XRCC2: variants seen among roughly 807,000 people sequenced by gnomAD.
XRCC2 encodes X-ray repair cross complementing 2.
Under a neutral mutation model 27.3 loss-of-function variants are expected in XRCC2, and 24 were observed. That is an observed-to-expected ratio of 0.88 (90% CI 0.64 to 1.24). The LOEUF is 1.24. Among genes scored for constraint, XRCC2 ranks in the 50% most tolerant of loss-of-function variants. XRCC2 has a pLI of 0.00. For missense variants in XRCC2, 321 were observed against 325.8 expected, an observed-to-expected ratio of 0.99 and a Z score of 0.11; for synonymous variants, 106 against 115.4, an observed-to-expected ratio of 0.92 and a Z score of 0.52.
chr7:152,656,335 C>T (rs938289147), intron 2 of XRCC2, among the ~76,000 whole-genome samples: 1 of 152,080 alleles, frequency 6.6e-6, no homozygotes, highest in Non-Finnish European at 1.5e-5. Context: ...ACCAGCCTGG[C>T]CAATATGGTG....
At chr7:152,653,233 G>A (rs561474604) in intron 2 of XRCC2, among the ~76,000 whole-genome samples, 9 of 152,194 alleles carry the variant, frequency 5.9e-5, no homozygotes, top group East Asian at 3.9e-4. Flanking sequence ...TGCCATCCAC[G>A]TAGGATGGGA....
chr7:152,675,971 T>C (rs1465078565), intron 1 of XRCC2, 70 bp downstream of exon 1: 1 of 1,601,342 alleles, frequency 6.2e-7, no homozygotes, highest in Non-Finnish European at 8.5e-7. Flanking sequence ...TCCCCCGGGT[T>C]CCCTCGGCTC....
intron 2 of XRCC2, among the ~76,000 whole-genome samples, chr7:152,652,325 T>C (rs2098028894): frequency 6.6e-6 from 1 of 151,778 alleles, no homozygotes; most frequent in Non-Finnish European, 1.5e-5. Flanking sequence ...TGAGGAGCTA[T>C]GCTGAACCCG....
At chr7:152,651,947 C>G (rs2098028691) in intron 2 of XRCC2, among the ~76,000 whole-genome samples, 1 of 151,536 alleles carries the variant, frequency 6.6e-6, no homozygotes, top group Non-Finnish European at 1.5e-5. Context: ...GGGAGGATCA[C>G]TTGAGCCCAG....
rs768232997 is a variant in XRCC2 at position 152,676,080 on chromosome 7, C to T, written c.-1G>A. The stretch of plus-strand genomic sequence containing the variant: ...CAGCCCTATGGAAGGCACTACACAT[C>T]GCCCCGAAGGCTCGGCGCAGGAGAG... On this transcript the variant is annotated 5_prime_UTR_variant, in exon 1 of 3. Transcript: ENST00000359321. The T allele has an allele frequency of 3.7e-6, 6 of 1,613,836 alleles. No individual in the cohort carries two copies. Among genetic ancestry groups the T allele is most frequent in the Non-Finnish European group, 4.2e-6 (5 of 1,179,816 alleles).
In XRCC2 at chr7:152,660,721, T is replaced by A. The variant is rs768885888; in HGVS notation, c.101A>T (p.Asp34Val). 3 of 1,613,384 alleles carry A rather than the reference T, an allele frequency of 1.9e-6. No individual in the cohort carries two copies. The highest frequency in any genetic ancestry group is 2.5e-6 in the Non-Finnish European group (3 of 1,179,806). The stretch of plus-strand genomic sequence containing the variant: ...TTTACCATGCACAGGTGAATCTTCA[T>A]CAGCAAACAGATTTGGTTCTATTTC... Reference protein sequence around the residue: ...LKEIEPNLFADEDSPVHGDIL... With the variant: ...LKEIEPNLFAVEDSPVHGDIL... Residue 34 changes from aspartate (D) to valine (V), a missense_variant, in exon 2 of 3, where the codon GAT (aspartate) becomes GTT (valine). Transcript: ENST00000359321.
intron 2 of XRCC2, among the ~76,000 whole-genome samples, chr7:152,655,563 G>T (rs766487844): frequency 3.2e-4 from 49 of 151,976 alleles, no homozygotes; most frequent in Non-Finnish European, 6.0e-4. Flanking sequence ...ACAAAAATTA[G>T]TCTGGTGTGG....
Position 152,648,242 on chromosome 7 carries a change from A to G in XRCC2, c.*400T>C, listed in dbSNP as rs575074796. 1 of 155,520 alleles carries G rather than the reference A, an allele frequency of 6.4e-6. No homozygotes were observed. The highest frequency in any genetic ancestry group is 1.8e-4 in the East Asian group (1 of 5,480). 9.6% of individuals were successfully genotyped at this position (155,520 alleles called of 1,614,324 possible). On this transcript the variant is annotated 3_prime_UTR_variant, in exon 3 of 3. Coordinates refer to ENST00000359321, the MANE Select transcript of XRCC2 (RefSeq NM_005431.2). ...GCCAACATGGTGAAACCCCGTCTCTATTAAAAATACAAAAATTAGCCAGGC... is the reference window on the plus strand; with the variant it reads ...GCCAACATGGTGAAACCCCGTCTCTGTTAAAAATACAAAAATTAGCCAGGC...
intron 1 of XRCC2, among the ~76,000 whole-genome samples, chr7:152,669,498 G>A (rs1437188509): frequency 6.6e-6 from 1 of 152,012 alleles, no homozygotes; most frequent in East Asian, 2.0e-4. Flanking sequence ...AAGCCCCTGG[G>A]TTCAAGCGAT....
intron 1 of XRCC2, among the ~76,000 whole-genome samples, chr7:152,671,057 A>G (rs1436074059): frequency 1.3e-5 from 2 of 152,150 alleles, no homozygotes; most frequent in Non-Finnish European, 2.9e-5. Context: ...TCTACTAAAA[A>G]TACAACAATT....
chr7:152,660,911 G>A, intron 1 of XRCC2, 129 bp from the exon 2 acceptor site: 1 of 753,400 alleles, frequency 1.3e-6, no homozygotes, highest in Non-Finnish European at 2.1e-6. Flanking sequence ...GCTCACACCT[G>A]TAATCCCAAT....
At chr7:152,673,472 A>C (rs573773100) in intron 1 of XRCC2, among the ~76,000 whole-genome samples, 170 of 152,282 alleles carry the variant, frequency 1.1e-3, no homozygotes, top group Non-Finnish European at 2.0e-3. Context: ...GCCTAAAAAA[A>C]TATTCTTACA....
intron 2 of XRCC2, among the ~76,000 whole-genome samples, chr7:152,652,716 A>G (rs1055251889): frequency 3.9e-5 from 6 of 152,172 alleles, no homozygotes; most frequent in Admixed American, 3.3e-4. Context: ...GTGCTTCATC[A>G]GTTACCTTCT....
chr7:152,663,408 C>A (rs563575212), intron 1 of XRCC2, among the ~76,000 whole-genome samples: 2 of 138,400 alleles, frequency 1.4e-5, no homozygotes, highest in Non-Finnish European at 3.1e-5. Flanking sequence ...CTTGAGTACA[C>A]TTTAAAAAAT....
intron 1 of XRCC2, among the ~76,000 whole-genome samples, chr7:152,661,636 C>G (rs1223005248): frequency 2.0e-5 from 3 of 152,150 alleles, no homozygotes; most frequent in Non-Finnish European, 4.4e-5. Context: ...CTGTGAGCAG[C>G]TTTGAACTCC....
At chr7:152,653,632 G>T (rs1386462849) in intron 2 of XRCC2, among the ~76,000 whole-genome samples, 1 of 15,694 alleles carries the variant, frequency 6.4e-5, no homozygotes. Flanking sequence ...GGTAATTTTT[G>T]TATTTTTTTT....
intron 1 of XRCC2, among the ~76,000 whole-genome samples, chr7:152,668,081 C>G (rs1404466142): frequency 1.3e-5 from 2 of 151,940 alleles, no homozygotes; most frequent in Non-Finnish European, 2.9e-5. Flanking sequence ...ACTGGTCCCC[C>G]CTTATCTGCA....
intron 1 of XRCC2, among the ~76,000 whole-genome samples, chr7:152,666,318 C>A (rs949292049): frequency 5.9e-5 from 9 of 151,950 alleles, no homozygotes; most frequent in African/African-American, 2.2e-4. Context: ...CCCATGCAAT[C>A]CTTGCATATC....
chr7:152,672,568 C>T (rs1475000162), intron 1 of XRCC2, among the ~76,000 whole-genome samples: 1 of 152,168 alleles, frequency 6.6e-6, no homozygotes, highest in African/African-American at 2.4e-5. Context: ...AATCACAATG[C>T]TTGCTCCTGG....
Sources: allele counts gnomAD v4.1 joint callset (sites outside exome capture counted in the v4.1 genomes callset), GRCh38; gene constraint gnomAD v4.1.1; transcripts MANE v1.5; gene names NCBI Gene and HGNC (gene_info 2026-07-23, HGNC 2026-07-21).